Variants in NCAM1 observed in about 807,000 individuals in gnomAD.
NCAM1 encodes antigen recognized by monoclonal antibody 5.1H11.
In NCAM1, 14 loss-of-function variants were observed where a neutral mutation model predicts 109.8. That is an observed-to-expected ratio of 0.13 (90% CI 0.08 to 0.20). The LOEUF (loss-of-function observed/expected upper bound fraction) is 0.20, where lower values mean the gene tolerates loss of function less well. Ranked by LOEUF, NCAM1 falls within the 10% of genes least tolerant of loss-of-function variation. The pLI is 1.00. For synonymous variants in NCAM1, 418 were observed against 442.9 expected (o/e 0.94, Z 0.70); for missense variants, 774 against 1,109.9 (o/e 0.70, Z 4.30).
At chr11:113,257,052 G>A (rs1365982258) in intron 16 of NCAM1, among the ~76,000 whole-genome samples, 1 of 152,226 alleles carries the variant, frequency 6.6e-6, no homozygotes, top group Non-Finnish European at 1.5e-5. Context: ...CTCAGCTGCA[G>A]AGGCCTTGTT....
chr11:113,246,357 C>A lies in NCAM1; in HGVS notation c.1826-11C>A. On this transcript the variant is annotated splice_polypyrimidine_tract_variant and intron_variant, in intron 14 of 19. Transcript: ENST00000316851. ...CATGGTGCTGATGATGTCGTCCACG[C>A]TGGTGAACAGAAGGTAAAACTCTTT... 1.3e-6 allele frequency: 1 copy of A among 742,308 alleles called. No homozygotes were observed. Among genetic ancestry groups the A allele is most frequent in the Non-Finnish European group, 2.5e-6 (1 of 405,816 alleles). 46.0% of individuals were successfully genotyped at this position (742,308 alleles called of 1,614,324 possible). A position where few individuals can be genotyped will look rare whatever the true frequency, so the allele number is the denominator to read the frequency against.
chr11:113,212,965 A>G (rs1362925513), intron 7 of NCAM1, among the ~76,000 whole-genome samples: 6 of 152,210 alleles, frequency 3.9e-5, no homozygotes, highest in Non-Finnish European at 8.8e-5. Context: ...CTATCCATCA[A>G]AAAAGGATTT....
chr11:113,219,829 G>A (rs1555114940), intron 8 of NCAM1, among the ~76,000 whole-genome samples: 6 of 152,222 alleles, frequency 3.9e-5, no homozygotes. Flanking sequence ...TCTAAGTGAT[G>A]TGGAATTGGC....
intron 1 of NCAM1, among the ~76,000 whole-genome samples, chr11:113,159,109 C>A (rs1555103908): frequency 6.6e-6 from 1 of 152,128 alleles, no homozygotes; most frequent in African/African-American, 2.4e-5. Context: ...TTCTAAATTA[C>A]ATACTGATGC....
chr11:113,104,795 T>C (rs1940077800), intron 1 of NCAM1, among the ~76,000 whole-genome samples: 1 of 152,260 alleles, frequency 6.6e-6, no homozygotes. Context: ...AAGAAGTTAA[T>C]GTATAACCTC....
chr11:113,029,623 A>C (rs1359697544), intron 1 of NCAM1, among the ~76,000 whole-genome samples: 1 of 152,208 alleles, frequency 6.6e-6, no homozygotes, highest in Non-Finnish European at 1.5e-5. Context: ...TGGAAAACTC[A>C]AGAAATATCC....
At chr11:113,167,846 T>C (rs1942856499) in intron 1 of NCAM1, among the ~76,000 whole-genome samples, 1 of 152,226 alleles carries the variant, frequency 6.6e-6, no homozygotes, top group Non-Finnish European at 1.5e-5. Flanking sequence ...TGTGGCTTCA[T>C]AATAGCAAGC....
chr11:113,259,700 CTTTTTTTTT>C (rs61638375), intron 16 of NCAM1, among the ~76,000 whole-genome samples: 3 of 113,472 alleles, frequency 2.6e-5, no homozygotes, highest in African/African-American at 1.1e-4. Flanking sequence ...CCCATCATTG[CTTTTTTTTT>C]TTTTTTTTTT....
intron 1 of NCAM1, among the ~76,000 whole-genome samples, chr11:113,037,418 C>G (rs1952926120): frequency 6.6e-6 from 1 of 152,106 alleles, no homozygotes; most frequent in African/African-American, 2.4e-5. Flanking sequence ...TCCCTCCTCT[C>G]GTCTCCTTGA....
chr11:113,143,289 T>G (rs929235176), intron 1 of NCAM1, among the ~76,000 whole-genome samples: 1 of 152,168 alleles, frequency 6.6e-6, no homozygotes, highest in Admixed American at 6.5e-5. Context: ...GAGGTGAGAA[T>G]AAAAGATCTG....
chr11:113,160,403 G>A (rs1428585184), intron 1 of NCAM1, among the ~76,000 whole-genome samples: 3 of 152,106 alleles, frequency 2.0e-5, no homozygotes, highest in African/African-American at 7.2e-5. Flanking sequence ...AAGTCCGAGG[G>A]CCCCTTTTAT....
intron 1 of NCAM1, among the ~76,000 whole-genome samples, chr11:113,200,161 C>G (rs1391242839): frequency 6.6e-6 from 1 of 152,168 alleles, no homozygotes; most frequent in African/African-American, 2.4e-5. Flanking sequence ...AGCAAACTTT[C>G]TTGGGGGGAC....
chr11:113,118,798 A>G (rs1482789451), intron 1 of NCAM1, among the ~76,000 whole-genome samples: 2 of 152,022 alleles, frequency 1.3e-5, no homozygotes, highest in African/African-American at 4.8e-5. Context: ...TTTGAGGCAT[A>G]GAGAATGAAA....
At chr11:113,263,257 G>T in intron 17 of NCAM1, 1 of 1,039,016 alleles carries the variant, frequency 9.6e-7, no homozygotes, top group South Asian at 3.8e-5. Flanking sequence ...TGCATTTTGG[G>T]TTCAAACCTA....
intron 1 of NCAM1, among the ~76,000 whole-genome samples, chr11:113,106,799 G>T (rs1940193273): frequency 6.6e-6 from 1 of 152,168 alleles, no homozygotes; most frequent in African/African-American, 2.4e-5. Context: ...CAGCTGCATA[G>T]GTTGGAACTG....
chr11:113,176,855 C>T (rs1555107115), intron 1 of NCAM1, among the ~76,000 whole-genome samples: 3 of 152,114 alleles, frequency 2.0e-5, no homozygotes, highest in Admixed American at 6.6e-5. Context: ...AAAAAATACA[C>T]CACTTGTTTC....
chr11:113,146,998 C>T (rs186961374), intron 1 of NCAM1, among the ~76,000 whole-genome samples: 86 of 152,194 alleles, frequency 5.7e-4, no homozygotes, highest in Middle Eastern at 3.4e-3. Flanking sequence ...TCTTTGAAAA[C>T]ATGAGATCCA....
intron 1 of NCAM1, among the ~76,000 whole-genome samples, chr11:113,072,998 C>T (rs1402909665): frequency 1.3e-5 from 2 of 152,000 alleles, no homozygotes; most frequent in Non-Finnish European, 2.9e-5. Context: ...AACTCTATAC[C>T]CATTAAACAA....
chr11:112,962,308 A>G lies in NCAM1; in HGVS notation c.52+644A>G, dbSNP rs1171951931. 6.6e-6 allele frequency among the ~76,000 whole-genome samples: 1 copy of G among 152,098 alleles called. No homozygotes were observed. Among genetic ancestry groups the G allele is most frequent in the African/African-American group, 2.4e-5 (1 of 41,416 alleles). The stretch of plus-strand genomic sequence containing the variant: ...ATGACGTTAGTTTTTCATTTGCCAA[A>G]TTGCTGGTTAGTTGCAAAGCCTACC... On this transcript the variant is annotated intron_variant, in intron 1 of 19. Transcript: ENST00000316851. The surrounding 1 kb of genome is among the most constrained non-coding windows in gnomAD (Gnocchi z 5.6).
Sources: gnomAD v4.1 joint callset for allele counts (sites outside exome capture counted in the v4.1 genomes callset) on GRCh38, gnomAD v4.1.1 for gene constraint, Gnocchi (gnomAD v3.1) non-coding constraint, MANE v1.5 for transcripts, NCBI Gene and HGNC (gene_info 2026-07-23, HGNC 2026-07-21) for gene names.